The following LRIG2 variants were observed in gnomAD, a reference collection of about 807,000 sequenced individuals.
The protein encoded by LRIG2 is leucine rich repeats and immunoglobulin like domains 2, also known as leucine-rich repeats and immunoglobulin-like domains protein 2.
LRIG2 carries 93 observed loss-of-function variants against 107.8 expected under a neutral mutation model. The observed-to-expected ratio is 0.86, with a 90% CI of 0.73 to 1.03. The LOEUF is 1.03. Ranked by LOEUF, LRIG2 falls within the 50% of genes least tolerant of loss-of-function variation. The pLI is 0.00. For missense variants in LRIG2, 1,226 were observed against 1,296.0 expected, an observed-to-expected ratio of 0.95 and a Z score of 0.83; for synonymous variants, 471 against 470.6, an observed-to-expected ratio of 1.00 and a Z score of -0.01.
intron 1 of LRIG2, among the ~76,000 whole-genome samples, chr1:113,081,593 T>G (rs569861123): frequency 3.3e-5 from 5 of 152,200 alleles, no homozygotes; most frequent in Admixed American, 1.3e-4. Flanking sequence ...TGATTTCAGC[T>G]CAGTGCAGCC....
intron 1 of LRIG2, among the ~76,000 whole-genome samples, chr1:113,088,011 A>G (rs1183261789): frequency 1.3e-5 from 2 of 152,254 alleles, no homozygotes; most frequent in Non-Finnish European, 2.9e-5. Flanking sequence ...ATGACTGATC[A>G]GATCAATCCA....
intron 14 of LRIG2, among the ~76,000 whole-genome samples, chr1:113,113,444 T>C (rs1285465088): frequency 2.0e-5 from 3 of 150,958 alleles, no homozygotes; most frequent in Admixed American, 1.3e-4. Context: ...TTCTCTATTT[T>C]CCTATATGTC....
intron 16 of LRIG2, 114 bp from the exon 17 acceptor site, chr1:113,119,119 G>A: frequency 1.1e-6 from 1 of 915,186 alleles, no homozygotes; most frequent in Non-Finnish European, 1.7e-6. Flanking sequence ...ACTTTATAAA[G>A]TAAGTGCTCA....
intron 16 of LRIG2, among the ~76,000 whole-genome samples, chr1:113,118,783 G>T (rs1353642203): frequency 6.6e-6 from 1 of 152,034 alleles, no homozygotes; most frequent in Admixed American, 6.6e-5. Flanking sequence ...TCCTGCCTCA[G>T]CCTCCCGAGT....
intron 14 of LRIG2, 46 bp downstream of exon 14, chr1:113,112,806 G>A (rs771326265): frequency 1.3e-6 from 2 of 1,533,884 alleles, no homozygotes; most frequent in South Asian, 2.5e-5. Context: ...GGAGTCTTTG[G>A]GAGCTACTCT....
chr1:113,098,056 A>G (rs1012812992), intron 8 of LRIG2, among the ~76,000 whole-genome samples: 1 of 152,230 alleles, frequency 6.6e-6, no homozygotes, highest in Non-Finnish European at 1.5e-5. Context: ...TTTTAATTAT[A>G]TGGAAATAAT....
chr1:113,125,726 C>G lies in LRIG2; in HGVS notation c.*1625C>G, dbSNP rs1411272252. The G allele has an allele frequency of 6.6e-6, 1 of 152,198 alleles. No homozygotes were observed. The highest frequency in any genetic ancestry group is 2.4e-5 in the African/African-American group (1 of 41,458). 9.4% of individuals were successfully genotyped at this position (152,198 alleles called of 1,614,324 possible). Reference sequence around the variant, plus strand: ...GCCATGTTCTGACTGGGGTGAGCCGCTAGGATACAAATCACTATCACTGTC... The same window carrying G: ...GCCATGTTCTGACTGGGGTGAGCCGGTAGGATACAAATCACTATCACTGTC... On this transcript the variant is annotated 3_prime_UTR_variant, in exon 18 of 18. Coordinates refer to ENST00000361127, the MANE Select transcript of LRIG2 (RefSeq NM_014813.3).
Position 113,093,634 on chromosome 1 carries a change from G to A in LRIG2, c.515+70G>A. ...TATGGGGACTGTTGTGGGGTGGGGG[G>A]AGGGGGCAGGGATAGCACTGGGAGA... On this transcript the variant is annotated intron_variant, in intron 4 of 17. Transcript: ENST00000361127. 3 of 202,792 alleles carry A rather than the reference G, an allele frequency of 1.5e-5. 1 individual carries two copies. Among genetic ancestry groups the A allele is most frequent in the South Asian group, 6.6e-5 (1 of 15,144 alleles). The allele number at this position is 202,792 out of a possible 1,614,324, so 12.6% of individuals were successfully genotyped here.
At chr1:113,073,858 G>C (rs1652828056) in intron 1 of LRIG2, among the ~76,000 whole-genome samples, 2 of 151,960 alleles carry the variant, frequency 1.3e-5, no homozygotes, top group African/African-American at 2.4e-5. Flanking sequence ...TGAAGACGAG[G>C]GTTAAGATTC....
At chr1:113,082,774 C>T (rs1159983957) in intron 1 of LRIG2, among the ~76,000 whole-genome samples, 4 of 152,124 alleles carry the variant, frequency 2.6e-5, no homozygotes, top group African/African-American at 9.7e-5. Flanking sequence ...CTGCCTCAGC[C>T]TCCTGAATAG....
rs1181352418 is a variant in LRIG2 at position 113,094,981 on chromosome 1, TA to T, written c.803+227del. ...CATCTAAAAAGTTTATATATATATA[TA>T]TATTTTTTTTGAGATGGAGTCTCAC... On this transcript the variant is annotated intron_variant, in intron 6 of 17. Coordinates refer to ENST00000361127, the MANE Select transcript of LRIG2 (RefSeq NM_014813.3). Among the ~76,000 whole-genome samples, 141 of 62,212 alleles carry T rather than the reference TA, an allele frequency of 2.3e-3. 2 individuals are homozygous for T. The highest frequency in any genetic ancestry group is 5.0e-3 in the African/African-American group (140 of 28,130). 40.8% of individuals were successfully genotyped at this position (62,212 alleles called of 152,430 possible).
chr1:113,091,431 C>A, intron 2 of LRIG2, 48 bp downstream of exon 2: 3 of 1,217,400 alleles, frequency 2.5e-6, no homozygotes, highest in South Asian at 2.8e-5. Context: ...CCTGAGGGAA[C>A]TTAATAAATT....
At chr1:113,095,424 T>C (rs576591489) in intron 6 of LRIG2, among the ~76,000 whole-genome samples, 2 of 152,298 alleles carry the variant, frequency 1.3e-5, no homozygotes, top group Admixed American at 1.3e-4. Flanking sequence ...TTGTTGTCGT[T>C]GTTGAGATAG....
chr1:113,094,306 T>G (rs1447736944), intron 4 of LRIG2, 33 bp from the exon 5 acceptor site: 1 of 1,546,614 alleles, frequency 6.5e-7, no homozygotes, highest in Non-Finnish European at 8.7e-7. Flanking sequence ...TTTTACTAAA[T>G]TTTTTCTTTT....
At chr1:113,102,112 G>A (rs1654331105) in intron 11 of LRIG2, among the ~76,000 whole-genome samples, 1 of 152,154 alleles carries the variant, frequency 6.6e-6, no homozygotes, top group South Asian at 2.1e-4. Flanking sequence ...CAAACCATGT[G>A]AACACTGGGT....
chr1:113,107,693 T>C lies in LRIG2; in HGVS notation c.1413T>C (p.Cys471=). Residue 471 remains cysteine (C), a synonymous_variant, in exon 12 of 18, where the codon TGT becomes TGC. Coordinates refer to ENST00000361127, the MANE Select transcript of LRIG2 (RefSeq NM_014813.3). ...TTCAACATTCTGTGAATGTAAGCTG[T>C]GCACACCCTGAATGGCTAGCAGGGC... ...NNFQHSVNVS[C]AHPEWLAGQS... is the part of the protein sequence containing the mutation. The C allele has an allele frequency of 6.2e-7, 1 of 1,613,906 alleles. No homozygotes were observed. Among genetic ancestry groups the C allele is most frequent in the African/African-American group, 1.3e-5 (1 of 75,038 alleles).
chr1:113,099,313 C>T (rs1425145905), intron 9 of LRIG2, among the ~76,000 whole-genome samples: 1 of 143,538 alleles, frequency 7.0e-6, no homozygotes, highest in Admixed American at 7.3e-5. Flanking sequence ...TCACAGCTCA[C>T]AGCAGCTTCA....
intron 11 of LRIG2, among the ~76,000 whole-genome samples, chr1:113,101,347 C>T (rs548315849): frequency 2.6e-5 from 4 of 152,264 alleles, no homozygotes. Context: ...GGATTACAGG[C>T]GTGAGCCACC....
In LRIG2 at chr1:113,073,400, G is replaced by A. The variant is rs1440049204; in HGVS notation, c.-7G>A. The A allele has an allele frequency of 1.9e-6, 3 of 1,612,240 alleles. No homozygotes were observed. Among genetic ancestry groups the A allele is most frequent in the African/African-American group, 2.7e-5 (2 of 74,900 alleles). On this transcript the variant is annotated 5_prime_UTR_variant, in exon 1 of 18. Transcript: ENST00000361127. ...TCTTCTAGGCCACGTCCAGGTCGAG[G>A]GGGAAAATGGCGCCGGCGCCCCTAG...
Sources: allele counts gnomAD v4.1 joint callset (sites outside exome capture counted in the v4.1 genomes callset), GRCh38; gene constraint gnomAD v4.1.1; transcripts MANE v1.5; gene names NCBI Gene and HGNC (gene_info 2026-07-23, HGNC 2026-07-21).